The following SPHKAP variants were observed in gnomAD, a reference collection of about 807,000 sequenced individuals.
The protein encoded by SPHKAP is A-kinase anchor protein SPHKAP.
Under a neutral mutation model 137.5 loss-of-function variants are expected in SPHKAP, and 67 were observed. That is an observed-to-expected ratio of 0.49 (90% CI 0.40 to 0.60). SPHKAP has a LOEUF of 0.60. Ranked by LOEUF, SPHKAP falls within the 20% of genes least tolerant of loss-of-function variation. The pLI, the probability that SPHKAP is intolerant of heterozygous loss-of-function variation, is 0.00. For missense variants in SPHKAP, 2,097 were observed against 2,069.3 expected (o/e 1.01, Z -0.26); for synonymous variants, 813 against 785.3 (o/e 1.04, Z -0.59).
intron 3 of SPHKAP, among the ~76,000 whole-genome samples, chr2:228,097,944 A>T (rs1698044284): frequency 6.6e-6 from 1 of 152,166 alleles, no homozygotes; most frequent in Non-Finnish European, 1.5e-5. Context: ...TGATGAAGAG[A>T]CGAGTACATG....
In SPHKAP at chr2:228,019,152, C is replaced by T. The variant is rs149295795; in HGVS notation, c.1702G>A (p.Val568Met). The change falls in exon 7 of 12, where the codon GTG becomes ATG. Residue 568 changes from valine (V) to methionine (M), a missense_variant. By Grantham distance (21) the Val-to-Met change is conservative (BLOSUM62 1). Coordinates refer to ENST00000392056, the MANE Select transcript of SPHKAP (RefSeq NM_001142644.2). ...CTTTCACCCAGACCACAGACAGCCA[C>T]GGCACTGGCCACCTGAGTCATGCCA... ...LCGMTQVASAVAVCGLGEREE... is the reference protein window; with the variant it reads ...LCGMTQVASAMAVCGLGEREE... 792 of 1,613,776 alleles carry T rather than the reference C, an allele frequency of 4.9e-4. 5 individuals carry two copies. In the East Asian group the frequency reaches 9.4e-3, roughly 19 times the overall value.
intron 4 of SPHKAP, 70 bp from the exon 5 acceptor site, chr2:228,025,598 C>A: frequency 6.4e-7 from 1 of 1,565,784 alleles, no homozygotes. Context: ...AACTACTTTA[C>A]CTTCAGAAAT....
chr2:228,046,505 A>G (rs1372983720), intron 3 of SPHKAP, among the ~76,000 whole-genome samples: 2 of 152,088 alleles, frequency 1.3e-5, no homozygotes, highest in Non-Finnish European at 2.9e-5. Flanking sequence ...TTGTGGAACC[A>G]AGTATTAAAA....
chr2:228,117,805 C>A (rs1399993543), intron 2 of SPHKAP, among the ~76,000 whole-genome samples: 1 of 149,990 alleles, frequency 6.7e-6, no homozygotes, highest in Non-Finnish European at 1.5e-5. Context: ...CCCCTGGCAA[C>A]AACTGATCTG....
At chr2:228,135,462 A>T (rs188973178) in intron 1 of SPHKAP, among the ~76,000 whole-genome samples, 4 of 152,278 alleles carry the variant, frequency 2.6e-5, no homozygotes, top group African/African-American at 9.6e-5. Flanking sequence ...ATGGCTTTAG[A>T]TAGACAATCT....
intron 1 of SPHKAP, among the ~76,000 whole-genome samples, chr2:228,157,258 C>G (rs1700133662): frequency 6.6e-6 from 1 of 152,084 alleles, no homozygotes; most frequent in South Asian, 2.1e-4. Context: ...TCAGAGTAGT[C>G]AACTAATTTT....
intron 3 of SPHKAP, among the ~76,000 whole-genome samples, chr2:228,049,916 G>A (rs1395606265): frequency 6.6e-6 from 1 of 152,022 alleles, no homozygotes; most frequent in Non-Finnish European, 1.5e-5. Flanking sequence ...TACAGAATGG[G>A]AGAAAATCTT....
At position 228,016,704 on chromosome 2, in the gene SPHKAP, CTG is replaced by C; in HGVS notation, c.4148_4149del (p.Pro1383ArgfsTer19). The C allele has an allele frequency of 6.2e-7, 1 of 1,614,138 alleles. No individual in the cohort carries two copies. The highest frequency in any genetic ancestry group is 8.5e-7 in the Non-Finnish European group (1 of 1,180,028). On this transcript the variant is annotated frameshift_variant, in exon 7 of 12. Transcript: ENST00000392056. LOFTEE classifies it high-confidence loss of function. ...KDSVTECKQP[P>X]VSSLSKTASL... Reference sequence around the variant, plus strand: ...GAAGCAGTTTTGCTCAAAGATGACACTGGGGGCTGTTTACATTCGGTAACAGA... The same window carrying C: ...GAAGCAGTTTTGCTCAAAGATGACACGGGGCTGTTTACATTCGGTAACAGA...
At chr2:228,169,073 GAAGAA>G (rs148998080) in intron 1 of SPHKAP, among the ~76,000 whole-genome samples, 16,542 of 152,120 alleles carry the variant, frequency 0.11, 1,014 homozygotes, top group East Asian at 0.2. Flanking sequence ...GGAAGCTGCA[GAAGAA>G]AAGTTTGAAG....
At chr2:228,069,601 G>GT (rs915614298) in intron 3 of SPHKAP, among the ~76,000 whole-genome samples, 190 of 146,532 alleles carry the variant, frequency 1.3e-3, no homozygotes, top group Middle Eastern at 7.0e-3. Context: ...TTTAAAAGAA[G>GT]TTTTTTTTTT....
intron 11 of SPHKAP, among the ~76,000 whole-genome samples, chr2:227,984,335 T>A (rs1014651170): frequency 4.0e-5 from 6 of 149,258 alleles, no homozygotes; most frequent in Admixed American, 3.4e-4. Context: ...AAGAAAAAAA[T>A]TTTCAAAGAA....
At position 227,990,170 on chromosome 2, in the gene SPHKAP, C is replaced by T. The variant is rs556900813; in HGVS notation, c.4959+830G>A. On this transcript the variant is annotated intron_variant, in intron 11 of 11. Coordinates refer to ENST00000392056, the MANE Select transcript of SPHKAP (RefSeq NM_001142644.2). The stretch of plus-strand genomic sequence containing the variant: ...CTTCCCCGGAACTTTTGGATAAGTG[C>T]CCAGTCAGGCTAATGCCTTAATTTC... Among the ~76,000 whole-genome samples the T allele has an allele frequency of 1.2e-3, 178 of 152,144 alleles. 5 individuals are homozygous for T. Among genetic ancestry groups the T allele is most frequent in the Admixed American group, 1.0e-3 (16 of 15,272 alleles).
At position 228,153,041 on chromosome 2, in the gene SPHKAP, C is replaced by T. The variant is rs530507271; in HGVS notation, c.33-20956G>A. On this transcript the variant is annotated intron_variant, in intron 1 of 11. Transcript: ENST00000392056. ...GGGGTTTCCCCTTTCACTTGGCTCT[C>T]ATTCTCTCTTGTCTGCTGCCATGTA... is the stretch of plus-strand genomic sequence containing the variant. 2.6e-5 allele frequency among the ~76,000 whole-genome samples: 4 copies of T among 152,244 alleles called. No homozygotes were observed. In the East Asian group the frequency reaches 7.8e-4, roughly 30 times the overall value.
chr2:228,140,280 A>C (rs1173624028), intron 1 of SPHKAP, among the ~76,000 whole-genome samples: 1 of 147,382 alleles, frequency 6.8e-6, no homozygotes, highest in East Asian at 2.1e-4. Flanking sequence ...AAAAAAAATG[A>C]GGTATATATT....
intron 1 of SPHKAP, among the ~76,000 whole-genome samples, chr2:228,151,167 A>G (rs1395533193): frequency 6.7e-6 from 1 of 149,018 alleles, no homozygotes; most frequent in Non-Finnish European, 1.5e-5. Flanking sequence ...CCCATCTATG[A>G]GTGAGAACAT....
intron 3 of SPHKAP, 117 bp from the exon 4 acceptor site, chr2:228,027,660 A>G: frequency 9.8e-7 from 1 of 1,017,098 alleles, no homozygotes; most frequent in Non-Finnish European, 1.5e-6. Flanking sequence ...CATCTTAGAC[A>G]GTTTGGCATA....
intron 1 of SPHKAP, among the ~76,000 whole-genome samples, chr2:228,173,449 T>A (rs1700647320): frequency 6.6e-6 from 1 of 152,190 alleles, no homozygotes; most frequent in South Asian, 2.1e-4. Context: ...TATGCTGGAT[T>A]ATCTAGGTGA....
chr2:228,105,792 C>T (rs558273584), intron 3 of SPHKAP, among the ~76,000 whole-genome samples: 1 of 152,112 alleles, frequency 6.6e-6, no homozygotes, highest in Non-Finnish European at 1.5e-5. Flanking sequence ...TGAGTTGTGC[C>T]TTTTGCCTTC....
At chr2:228,172,055 T>A (rs530588102) in intron 1 of SPHKAP, among the ~76,000 whole-genome samples, 1 of 152,186 alleles carries the variant, frequency 6.6e-6, no homozygotes, top group South Asian at 2.1e-4. Context: ...CTTATAAAGT[T>A]GTGTGTGTGT....
Sources: gnomAD v4.1 joint callset for allele counts (sites outside exome capture counted in the v4.1 genomes callset) on GRCh38, gnomAD v4.1.1 for gene constraint, MANE v1.5 for transcripts, NCBI Gene and HGNC (gene_info 2026-07-23, HGNC 2026-07-21) for gene names.